RBSN: variants seen among roughly 807,000 people sequenced by gnomAD.
The protein encoded by RBSN is rabenosyn-5.
In RBSN, 34 loss-of-function variants were observed where a neutral mutation model predicts 60.5. That is an observed-to-expected ratio of 0.56 (90% CI 0.43 to 0.75). RBSN has a LOEUF of 0.75. Among genes scored for constraint, RBSN ranks in the 30% least tolerant of loss-of-function variants. RBSN has a pLI of 0.00. For missense variants in RBSN, 845 were observed against 986.8 expected (o/e 0.86, Z 1.92); for synonymous variants, 322 against 366.9 (o/e 0.88, Z 1.40).
chr3:15,076,959 T>C lies in RBSN; in HGVS notation c.1101+103A>G. 3 of 898,964 alleles carry C rather than the reference T, an allele frequency of 3.3e-6. 1 individual carries two copies. In the South Asian group the frequency reaches 4.6e-5, roughly 14 times the overall value. 55.7% of individuals were successfully genotyped at this position (898,964 alleles called of 1,614,324 possible). A position where few individuals can be genotyped will look rare whatever the true frequency, so the allele number is the denominator to read the frequency against. On this transcript the variant is annotated intron_variant, in intron 12 of 13. Coordinates refer to ENST00000253699, the MANE Select transcript of RBSN (RefSeq NM_022340.4). ...ATAATTTCAAAAAATAATAAATGTA[T>C]AAATAGGAAGTAAACAAGTCATTGG... is the stretch of plus-strand genomic sequence containing the variant.
Position 15,082,467 on chromosome 3 carries a change from T to A in RBSN, c.740A>T (p.Asp247Val). The change falls in exon 9 of 14, where the codon GAC becomes GTC. Residue 247 changes from aspartate to valine, a missense_variant. Coordinates refer to ENST00000253699, the MANE Select transcript of RBSN (RefSeq NM_022340.4). This position sits in a 1 kb window ranked among gnomAD's most constrained non-coding sequence, Gnocchi z 4.2. ...VSSVLDEKDD[D>V]RIRCCTHCKD... Reference sequence around the variant, plus strand: ...GCAGTGTGTACAGCAGCGGATCCGGTCATCGTCCTTCTCATCCAGGACCGA... The same window carrying A: ...GCAGTGTGTACAGCAGCGGATCCGGACATCGTCCTTCTCATCCAGGACCGA... 1 of 1,614,164 alleles carries A rather than the reference T, an allele frequency of 6.2e-7. No homozygotes were observed. The highest frequency in any genetic ancestry group is 8.5e-7 in the Non-Finnish European group (1 of 1,180,016).
At position 15,077,014 on chromosome 3, in the gene RBSN, G is replaced by C. The variant is rs746883470; in HGVS notation, c.1101+48C>G. The C allele has an allele frequency of 6.6e-7, 1 of 1,523,628 alleles. No homozygotes were observed. Among genetic ancestry groups the C allele is most frequent in the Non-Finnish European group, 9.1e-7 (1 of 1,098,024 alleles). The allele number at this position is 1,523,628 out of a possible 1,614,324, so 94.4% of individuals were successfully genotyped here. On this transcript the variant is annotated intron_variant, in intron 12 of 13. Transcript: ENST00000253699. This position sits in a 1 kb window ranked among gnomAD's most constrained non-coding sequence, Gnocchi z 4.4. ...GATCTGCCTCCTGGGAAGCAAAAGA[G>C]CAGGACAGGCCAAGTGCAACATTTA...
chr3:15,075,987 T>C (rs2043044048), intron 12 of RBSN, among the ~76,000 whole-genome samples: 1 of 152,082 alleles, frequency 6.6e-6, no homozygotes, highest in Admixed American at 6.6e-5. Context: ...GCCCATCCTA[T>C]TAACTTAGCA....
chr3:15,089,477 A>C (rs4261859), intron 5 of RBSN, among the ~76,000 whole-genome samples: 3 of 111,688 alleles, frequency 2.7e-5, no homozygotes. Flanking sequence ...AAAAAAAAAA[A>C]CAAAAAAAAA....
At position 15,074,611 on chromosome 3, in the gene RBSN, C is replaced by T. The variant is rs1168382506; in HGVS notation, c.1526G>A (p.Arg509Gln). 16 of 1,614,144 alleles carry T rather than the reference C, an allele frequency of 9.9e-6. No homozygotes were observed. Among genetic ancestry groups the T allele is most frequent in the Middle Eastern group, 1.6e-4 (1 of 6,084 alleles). ...CAGGTCCTCCTCCTCAGCCTGCCTC[C>T]GGGACAGCTCGATGGCCTTCTCTGT... The part of the protein sequence containing the change: ...QQTEKAIELS[R>Q]RQAEEEDLQR... Residue 509 changes from arginine to glutamine, a missense_variant, in exon 14 of 14, where the codon CGG (arginine) becomes CAG (glutamine). Arg to Gln is a conservative substitution (Grantham distance 43). Transcript: ENST00000253699. This position sits in a 1 kb window ranked among gnomAD's most constrained non-coding sequence, Gnocchi z 6.4.
chr3:15,087,131 C>G (rs972517451), intron 5 of RBSN, among the ~76,000 whole-genome samples: 1 of 152,178 alleles, frequency 6.6e-6, no homozygotes, highest in African/African-American at 2.4e-5. Flanking sequence ...AGCTAATTAC[C>G]ATATGCATTA....
rs2043011108 is a variant in RBSN at position 15,074,761 on chromosome 3, A to G, written c.1376T>C (p.Leu459Pro). Residue 459 changes from leucine (L) to proline (P), a missense_variant, in exon 14 of 14, where the codon CTC (leucine) becomes CCC (proline). Leu to Pro is a moderately conservative substitution (Grantham distance 98, BLOSUM62 -3). Transcript: ENST00000253699. This position sits in a 1 kb window ranked among gnomAD's most constrained non-coding sequence, Gnocchi z 6.4. Reference protein sequence around the residue: ...GQGQSEDSDPLLQQIHNITSF... With the variant: ...GQGQSEDSDPPLQQIHNITSF... ...TGTGATGTTGTGGATCTGCTGGAGG[A>G]GCGGGTCTGAGTCCTCACTCTGCCC... 5.6e-6 allele frequency: 9 copies of G among 1,614,182 alleles called. No individual in the cohort carries two copies. In the East Asian group the frequency reaches 1.6e-4, roughly 28 times the overall value.
In RBSN at chr3:15,082,607, G is replaced by C; in HGVS notation, c.600C>G (p.Asn200Lys). ...ACTCCTTGCTGGCACTGGTGAGCTTGTCTGTAACCACAACACCAACAGGCA... is the reference window on the plus strand; with the variant it reads ...ACTCCTTGCTGGCACTGGTGAGCTTCTCTGTAACCACAACACCAACAGGCA... ...CMELISLPLA[N>K]KLTSASKESL... Residue 200 changes from asparagine (N) to lysine (K), a missense_variant and splice_region_variant, in exon 9 of 14, where the codon AAC becomes AAG. By Grantham distance (94) the Asn-to-Lys change is moderately conservative (BLOSUM62 0). Transcript: ENST00000253699. This position sits in a 1 kb window ranked among gnomAD's most constrained non-coding sequence, Gnocchi z 4.2. The C allele has an allele frequency of 6.2e-7, 1 of 1,613,764 alleles. No individual in the cohort carries two copies.
chr3:15,098,878 A>T (rs1325368788), intron 1 of RBSN, 157 bp downstream of exon 1: 1 of 152,960 alleles, frequency 6.5e-6, no homozygotes, highest in African/African-American at 2.4e-5. Context: ...CACAGAGCCC[A>T]ATCATCAAAG....
rs353082 is a variant in RBSN, at chr3:15,072,131, G to T, written c.*1651C>A. ...CATCAGGGCGGGCACAGTGGCTCAC[G>T]CCTGTATTCCCAGCACTTTGGGAGG... On this transcript the variant is annotated 3_prime_UTR_variant, in exon 14 of 14. Transcript: ENST00000253699. 1 of 152,632 alleles carries T rather than the reference G, an allele frequency of 6.6e-6. No homozygotes were observed. The highest frequency in any genetic ancestry group is 1.5e-5 in the Non-Finnish European group (1 of 68,052). 9.5% of individuals were successfully genotyped at this position (152,632 alleles called of 1,614,324 possible).
At position 15,074,816 on chromosome 3, in the gene RBSN, C is replaced by G. The variant is rs757942902; in HGVS notation, c.1321G>C (p.Glu441Gln). Residue 441 changes from glutamate (E) to glutamine (Q), a missense_variant, in exon 14 of 14, where the codon GAG becomes CAG. Glu to Gln is a conservative substitution (Grantham distance 29, BLOSUM62 2). Coordinates refer to ENST00000253699, the MANE Select transcript of RBSN (RefSeq NM_022340.4). This position sits in a 1 kb window ranked among gnomAD's most constrained non-coding sequence, Gnocchi z 6.4. ...CCTCCTGACAGTGGGAGCCAGCCCT[C>G]AGCCTTTCTCAAGGGGGCAGGGCCC... ...RRGPAPLRKA[E>Q]GWLPLSGGQG... 3.7e-6 allele frequency: 6 copies of G among 1,614,124 alleles called. No individual in the cohort carries two copies. Among genetic ancestry groups the G allele is most frequent in the Non-Finnish European group, 5.1e-6 (6 of 1,180,060 alleles).
chr3:15,093,511 C>T (rs536724411), intron 4 of RBSN, among the ~76,000 whole-genome samples: 1 of 152,250 alleles, frequency 6.6e-6, no homozygotes, highest in East Asian at 1.9e-4. Flanking sequence ...CCCACCTCAG[C>T]CTCCTGGGTA....
rs1038609627 is a variant in RBSN at position 15,082,841 on chromosome 3, G to A, written c.599-233C>T. Among the ~76,000 whole-genome samples the A allele has an allele frequency of 6.6e-6, 1 of 152,094 alleles. No homozygotes were observed. Among genetic ancestry groups the A allele is most frequent in the African/African-American group, 2.4e-5 (1 of 41,418 alleles). On this transcript the variant is annotated intron_variant, in intron 8 of 13. Coordinates refer to ENST00000253699, the MANE Select transcript of RBSN (RefSeq NM_022340.4). This position sits in a 1 kb window ranked among gnomAD's most constrained non-coding sequence, Gnocchi z 4.2. ...TTCCCTTTCCACCTGCCACTCTCCT[G>A]CATTTGCCCTGTGCCTCCAACACAA...
Position 15,094,144 on chromosome 3 carries a change from G to C in RBSN, c.148+1829C>G, listed in dbSNP as rs140504358. On this transcript the variant is annotated intron_variant, in intron 4 of 13. Transcript: ENST00000253699. Reference sequence around the variant, plus strand: ...AAAAAGGGTCACTGTAGGAATCCGGGAACATTCTCTAACCTCTCTACCCAC... The same window carrying C: ...AAAAAGGGTCACTGTAGGAATCCGGCAACATTCTCTAACCTCTCTACCCAC... Among the ~76,000 whole-genome samples the C allele has an allele frequency of 2.2e-3, 336 of 152,204 alleles. 3 individuals are homozygous for C. The highest frequency in any genetic ancestry group is 7.7e-3 in the African/African-American group (319 of 41,538).
chr3:15,078,012 T>C (rs2043096771), intron 11 of RBSN, 63 bp downstream of exon 11: 1 of 1,446,380 alleles, frequency 6.9e-7, no homozygotes, highest in Admixed American at 1.7e-5. Context: ...GCTTTCGCCA[T>C]TTCATTAGAA....
intron 12 of RBSN, among the ~76,000 whole-genome samples, chr3:15,076,457 A>AC (rs1182144412): frequency 6.6e-6 from 1 of 152,036 alleles, no homozygotes; most frequent in African/African-American, 2.4e-5. Context: ...GAAAAAAAAA[A>AC]CACTTTGTTT....
At chr3:15,076,377 G>A (rs747411607) in intron 12 of RBSN, among the ~76,000 whole-genome samples, 2 of 152,058 alleles carry the variant, frequency 1.3e-5, no homozygotes, top group African/African-American at 4.8e-5. Context: ...AAGGTGGGCA[G>A]ACTGCTTGAG....
chr3:15,096,288 C>A lies in RBSN; in HGVS notation c.-168G>T. 1 of 614,864 alleles carries A rather than the reference C, an allele frequency of 1.6e-6. No individual in the cohort carries two copies. The highest frequency in any genetic ancestry group is 2.5e-6 in the Non-Finnish European group (1 of 405,458). The allele number at this position is 614,864 out of a possible 1,614,324, so 38.1% of individuals were successfully genotyped here. On this transcript the variant is annotated splice_region_variant and 5_prime_UTR_variant, in exon 4 of 14. Transcript: ENST00000253699. ...GTTTCCTCTCTGGAGTAGGAGGAGC[C>A]CTAAGAAAGAAAAGAAGAAGGGAAA...
intron 4 of RBSN, 24 bp downstream of exon 4, chr3:15,095,949 A>C (rs2043644916): frequency 6.2e-7 from 1 of 1,614,084 alleles, no homozygotes; most frequent in Non-Finnish European, 8.5e-7. Context: ...ACAGCAGGGG[A>C]TAGGCAAGGT....
Sources: allele counts gnomAD v4.1 joint callset (sites outside exome capture counted in the v4.1 genomes callset), GRCh38; gene constraint gnomAD v4.1.1; non-coding constraint Gnocchi (gnomAD v3.1); transcripts MANE v1.5; gene names NCBI Gene and HGNC (gene_info 2026-07-23, HGNC 2026-07-21).